UBXN2A: variants seen among roughly 807,000 people sequenced by gnomAD.
UBXN2A encodes UBX domain protein 2A, also known as UBX domain-containing protein 2A.
Under a neutral mutation model 28.4 loss-of-function variants are expected in UBXN2A, and 28 were observed. The observed-to-expected ratio is 0.99, with a 90% CI of 0.73 to 1.35. The LOEUF (loss-of-function observed/expected upper bound fraction) is 1.35. Among genes scored for constraint, UBXN2A ranks in the 40% most tolerant of loss-of-function variants. The pLI is 0.00. For synonymous variants in UBXN2A, 97 were observed against 103.6 expected (o/e 0.94, Z 0.39); for missense variants, 253 against 297.9 (o/e 0.85, Z 1.11).
At chr2:23,992,938 G>A (rs992858578) in intron 6 of UBXN2A, among the ~76,000 whole-genome samples, 3 of 152,132 alleles carry the variant, frequency 2.0e-5, no homozygotes, top group Non-Finnish European at 4.4e-5. Flanking sequence ...TTCTGGTTTT[G>A]TGGGGTTTTT....
chr2:23,985,662 C>G (rs114312615), intron 6 of UBXN2A, among the ~76,000 whole-genome samples: 2 of 150,042 alleles, frequency 1.3e-5, no homozygotes, highest in Admixed American at 1.3e-4. Context: ...TAGAGTGGCG[C>G]GAGCCACCGT....
chr2:23,945,732 C>A (rs1398527625), intron 1 of UBXN2A, among the ~76,000 whole-genome samples: 1 of 151,854 alleles, frequency 6.6e-6, no homozygotes, highest in Non-Finnish European at 1.5e-5. Context: ...TCCTCAAATT[C>A]CTTTTGACCA....
Position 23,944,816 on chromosome 2 carries a change from C to T in UBXN2A, c.-15+4168C>T, listed in dbSNP as rs565901679. ...GTGAGAGCCAGGCCATTAACACCTACGCAGTGTTACTGAAAGAAGAGAGGT... is the reference window on the plus strand; with the variant it reads ...GTGAGAGCCAGGCCATTAACACCTATGCAGTGTTACTGAAAGAAGAGAGGT... On this transcript the variant is annotated intron_variant, in intron 1 of 6. Transcript: ENST00000309033. Among the ~76,000 whole-genome samples, 6 of 152,198 alleles carry T rather than the reference C, an allele frequency of 3.9e-5. No individual in the cohort carries two copies. In the South Asian group the frequency reaches 6.2e-4, roughly 16 times the overall value.
At chr2:23,966,054 A>C (rs755274384) in intron 2 of UBXN2A, among the ~76,000 whole-genome samples, 1 of 152,172 alleles carries the variant, frequency 6.6e-6, no homozygotes, top group Non-Finnish European at 1.5e-5. Flanking sequence ...ACTCATCAAA[A>C]GTGAAACAAA....
At chr2:23,948,574 A>G (rs1706208679) in intron 1 of UBXN2A, among the ~76,000 whole-genome samples, 1 of 152,090 alleles carries the variant, frequency 6.6e-6, no homozygotes, top group Non-Finnish European at 1.5e-5. Context: ...ATAACAGATT[A>G]TGGTGGGGGA....
At chr2:23,983,404 G>T (rs1169140685) in intron 5 of UBXN2A, among the ~76,000 whole-genome samples, 1 of 152,046 alleles carries the variant, frequency 6.6e-6, no homozygotes, top group African/African-American at 2.4e-5. Flanking sequence ...CTCCTCGGGA[G>T]GCTGAGGCAG....
At chr2:23,994,233 CT>C (rs1311104340) in intron 6 of UBXN2A, among the ~76,000 whole-genome samples, 18 of 152,018 alleles carry the variant, frequency 1.2e-4, no homozygotes, top group African/African-American at 4.3e-4. Flanking sequence ...AAATTTTTCT[CT>C]TTGTTCTTAG....
chr2:23,983,177 T>C, intron 5 of UBXN2A, 144 bp downstream of exon 5: 1 of 1,007,048 alleles, frequency 9.9e-7, no homozygotes, highest in Non-Finnish European at 1.3e-6. Context: ...TTAATTTTTA[T>C]GAGGACACAT....
chr2:23,964,401 G>C (rs567701314), intron 2 of UBXN2A, among the ~76,000 whole-genome samples: 2 of 152,064 alleles, frequency 1.3e-5, no homozygotes, highest in African/African-American at 2.4e-5. Context: ...GTAGGGACAG[G>C]GTTTCACCAT....
intron 3 of UBXN2A, among the ~76,000 whole-genome samples, chr2:23,976,098 C>A (rs1030080574): frequency 6.6e-6 from 1 of 152,148 alleles, no homozygotes; most frequent in Non-Finnish European, 1.5e-5. Flanking sequence ...CTACCTTCCC[C>A]CTCTCCTCAG....
chr2:23,944,259 C>G (rs1033159609), intron 1 of UBXN2A: 12 of 1,604,400 alleles, frequency 7.5e-6, no homozygotes, highest in Non-Finnish European at 1.0e-5. Context: ...GATGTGGGAC[C>G]TAGGAAAAGG....
At chr2:23,941,576 T>G (rs1323628897) in intron 1 of UBXN2A, among the ~76,000 whole-genome samples, 1 of 152,220 alleles carries the variant, frequency 6.6e-6, no homozygotes, top group South Asian at 2.1e-4. Context: ...TACTGAGCAG[T>G]TGTTTTCAGC....
At chr2:23,970,330 C>T (rs1258643038) in intron 2 of UBXN2A, among the ~76,000 whole-genome samples, 4 of 152,236 alleles carry the variant, frequency 2.6e-5, no homozygotes, top group East Asian at 3.9e-4. Flanking sequence ...ATTTTCTACT[C>T]CAGACCAGTG....
At chr2:23,954,153 CCCATT>C (rs1706504097) in intron 1 of UBXN2A, among the ~76,000 whole-genome samples, 1 of 152,162 alleles carries the variant, frequency 6.6e-6, no homozygotes, top group South Asian at 2.1e-4. Context: ...GCTGGGACTA[CCCATT>C]AAGTAACTGG....
chr2:23,936,601 GGA>G, upstream of UBXN2A, among the ~76,000 whole-genome samples: 1 of 152,028 alleles, frequency 6.6e-6, no homozygotes, highest in Non-Finnish European at 1.5e-5. Context: ...CTGTGGGGAT[GGA>G]GAGAGACTCT....
chr2:23,930,164 A>G (rs1225669488), intron 1 of UBXN2A, among the ~76,000 whole-genome samples: 1 of 152,184 alleles, frequency 6.6e-6, no homozygotes, highest in Non-Finnish European at 1.5e-5. Flanking sequence ...CTGGGATTAC[A>G]GGTGTGAGCC....
upstream of UBXN2A, among the ~76,000 whole-genome samples, chr2:23,938,432 C>T (rs906522340): frequency 1.3e-5 from 2 of 151,972 alleles, no homozygotes; most frequent in African/African-American, 4.8e-5. Context: ...TGCCATTGCA[C>T]TCCAGCCTGG....
intron 2 of UBXN2A, among the ~76,000 whole-genome samples, chr2:23,962,642 G>A (rs977308572): frequency 3.8e-5 from 4 of 105,508 alleles, no homozygotes; most frequent in Admixed American, 1.3e-4. Flanking sequence ...TTTCGCTCTT[G>A]TTGCCCAGGC....
At chr2:23,931,219 G>A (rs1444024142) in intron 1 of UBXN2A, among the ~76,000 whole-genome samples, 1 of 152,034 alleles carries the variant, frequency 6.6e-6, no homozygotes, top group Non-Finnish European at 1.5e-5. Flanking sequence ...GGCCAAGGCA[G>A]GCAGATCACT....
Sources: gnomAD v4.1 joint callset for allele counts (sites outside exome capture counted in the v4.1 genomes callset) on GRCh38, gnomAD v4.1.1 for gene constraint, MANE v1.5 for transcripts, NCBI Gene and HGNC (gene_info 2026-07-23, HGNC 2026-07-21) for gene names.